DSP: variants seen among roughly 807,000 people sequenced by gnomAD.
The protein encoded by DSP is 250/210 kDa paraneoplastic pemphigus antigen.
A neutral mutation model predicts 290.6 loss-of-function variants in DSP; 114 were observed. The ratio of observed to expected loss-of-function variants is 0.39; its 90% confidence interval spans 0.34 to 0.46. The LOEUF (loss-of-function observed/expected upper bound fraction) is 0.46, where lower values mean the gene tolerates loss of function less well. DSP is among the 20% of genes least tolerant of loss of function. The pLI is 0.99. For synonymous variants in DSP, 1,311 were observed against 1,316.4 expected (o/e 1.00, Z 0.09); for missense variants, 3,230 against 3,495.8 (o/e 0.92, Z 1.92).
intron 1 of DSP, among the ~76,000 whole-genome samples, chr6:7,553,893 T>C (rs766840524): frequency 5.3e-5 from 8 of 152,120 alleles, no homozygotes; most frequent in Non-Finnish European, 1.2e-4. Context: ...TCCTGGCTTG[T>C]TGGGGAGCCT....
At chr6:7,567,953 G>A (rs1315631503) in intron 10 of DSP, 47 bp downstream of exon 10, 2 of 1,608,146 alleles carry the variant, frequency 1.2e-6, no homozygotes, top group Non-Finnish European at 1.7e-6. Flanking sequence ...TGATCAGGGA[G>A]ATAAAACACA....
In DSP at chr6:7,574,090, T is replaced by C. The variant is rs2113682966; in HGVS notation, c.2135T>C (p.Val712Ala). 7 of 1,614,100 alleles carry C rather than the reference T, an allele frequency of 4.3e-6. No individual in the cohort carries two copies. Among genetic ancestry groups the C allele is most frequent in the East Asian group, 2.2e-5 (1 of 44,850 alleles). ...ITVKINELKSVQNDSQAIAEV... is the reference protein window; with the variant it reads ...ITVKINELKSAQNDSQAIAEV... ...GCTTTCCTTCATTTTTGACAGAGTG[T>C]GCAGAATGATTCACAAGCAATTGCT... Residue 712 changes from valine to alanine, a missense_variant, in exon 16 of 24, where the codon GTG becomes GCG. By Grantham distance (64) the Val-to-Ala change is moderately conservative. This residue lies in a region of DSP where 1,714 missense variants were observed against 1,844.5 expected (regional missense o/e 0.93). Coordinates refer to ENST00000379802, the MANE Select transcript of DSP (RefSeq NM_004415.4).
At chr6:7,551,932 C>T (rs1378134038) in intron 1 of DSP, among the ~76,000 whole-genome samples, 1 of 152,116 alleles carries the variant, frequency 6.6e-6, no homozygotes, top group Non-Finnish European at 1.5e-5. Flanking sequence ...TTCCTTTTCT[C>T]GCCTCGGTCT....
chr6:7,562,095 G>A (rs1758709584), intron 4 of DSP, among the ~76,000 whole-genome samples: 1 of 152,282 alleles, frequency 6.6e-6, no homozygotes, highest in East Asian at 1.9e-4. Flanking sequence ...CCTTTGAAGT[G>A]GCCCATAGGG....
In DSP at chr6:7,583,666, T is replaced by C. The variant is rs772857426; in HGVS notation, c.6404T>C (p.Val2135Ala). 1.9e-6 allele frequency: 3 copies of C among 1,614,164 alleles called. No homozygotes were observed. The highest frequency in any genetic ancestry group is 1.1e-5 in the South Asian group (1 of 91,088). Reference protein sequence around the residue: ...LEAQIASGGVVDPVNSVFLPK... With the variant: ...LEAQIASGGVADPVNSVFLPK... ...GCCCAGATTGCTTCAGGGGGTGTAG[T>C]AGACCCTGTGAACAGTGTCTTTTTG... is the stretch of plus-strand genomic sequence containing the variant. Residue 2135 changes from valine (V) to alanine (A), a missense_variant, in exon 24 of 24, where the codon GTA (valine) becomes GCA (alanine). Physicochemically the swap from Val to Ala is moderately conservative, Grantham distance 64. Around this residue, in one of 5 missense-constraint regions of DSP, gnomAD observed 1,714 missense variants for 1,844.5 expected, o/e 0.93. Coordinates refer to ENST00000379802, the MANE Select transcript of DSP (RefSeq NM_004415.4). This position sits in a 1 kb window ranked among gnomAD's most constrained non-coding sequence, Gnocchi z 4.0.
rs761772965 is a variant in DSP at position 7,577,906 on chromosome 6, T to C, written c.2985+20T>C. Reference sequence around the variant, plus strand: ...CAAGAGGTATATATGTCATCACATATCTCTTAAAACCTGCCCCTCCTTCTG... The same window carrying C: ...CAAGAGGTATATATGTCATCACATACCTCTTAAAACCTGCCCCTCCTTCTG... On this transcript the variant is annotated intron_variant, in intron 21 of 23. Coordinates refer to ENST00000379802, the MANE Select transcript of DSP (RefSeq NM_004415.4). 2.5e-6 allele frequency: 4 copies of C among 1,593,202 alleles called. No homozygotes were observed. In the South Asian group the frequency reaches 4.4e-5, roughly 18 times the overall value.
Position 7,576,436 on chromosome 6 carries a change from C to T in DSP, c.2773C>T (p.Arg925Trp), listed in dbSNP as rs145933612. 423 of 1,614,028 alleles carry T rather than the reference C, an allele frequency of 2.6e-4. 3 individuals carry two copies. In the African/African-American group the frequency reaches 3.9e-3, roughly 15 times the overall value. Reference sequence around the variant, plus strand: ...ATTTGGAGATTCCAACACAGTCATGCGGTTTTTGAATGAGCAGAAGGTATA... The same window carrying T: ...ATTTGGAGATTCCAACACAGTCATGTGGTTTTTGAATGAGCAGAAGGTATA... ...MKFGDSNTVM[R>W]FLNEQKNLHS... The change falls in exon 19 of 24, where the codon CGG (arginine) becomes TGG (tryptophan). Residue 925 changes from arginine (R) to tryptophan (W), a missense_variant. By Grantham distance (101) the Arg-to-Trp change is moderately radical. Transcript: ENST00000379802.
chr6:7,577,987 C>A, intron 21 of DSP, 101 bp downstream of exon 21: 1 of 950,182 alleles, frequency 1.1e-6, no homozygotes, highest in Non-Finnish European at 1.7e-6. Context: ...TCCTGCCTGT[C>A]TTCCTTACCA....
chr6:7,580,236 G>C lies in DSP; in HGVS notation c.4046G>C (p.Ser1349Thr). The stretch of plus-strand genomic sequence containing the variant: ...CGCTGGGAATATGAAAATGAACTGA[G>C]TAAGGTAAGAAACAATTATGATGAG... Reference protein sequence around the residue: ...KRRWEYENELSKVRNNYDEEI... With the variant: ...KRRWEYENELTKVRNNYDEEI... The change falls in exon 23 of 24, where the codon AGT becomes ACT. Residue 1349 changes from serine to threonine, a missense_variant. Physicochemically the swap from Ser to Thr is moderately conservative, Grantham distance 58. Around this residue, in one of 5 missense-constraint regions of DSP, gnomAD observed 1,714 missense variants for 1,844.5 expected, o/e 0.93. Coordinates refer to ENST00000379802, the MANE Select transcript of DSP (RefSeq NM_004415.4). This position sits in a 1 kb window ranked among gnomAD's most constrained non-coding sequence, Gnocchi z 4.2. 1 of 1,613,972 alleles carries C rather than the reference G, an allele frequency of 6.2e-7. No individual in the cohort carries two copies. Among genetic ancestry groups the C allele is most frequent in the Non-Finnish European group, 8.5e-7 (1 of 1,180,010 alleles).
rs2113677592 is a variant in DSP, at chr6:7,570,581, C to G, written c.1701+18C>G. 1 of 1,612,222 alleles carries G rather than the reference C, an allele frequency of 6.2e-7. No homozygotes were observed. Among genetic ancestry groups the G allele is most frequent in the Non-Finnish European group, 8.5e-7 (1 of 1,179,920 alleles). ...TCGCCAAGGTATGTCCTCAGGGCCA[C>G]TTAGGCTGCCTGGAGGGAGGGCAGC... On this transcript the variant is annotated intron_variant, in intron 13 of 23. Transcript: ENST00000379802.
rs539587517 is a variant in DSP at position 7,581,105 on chromosome 6, G to A, written c.4915G>A (p.Val1639Met). Residue 1639 changes from valine to methionine, a missense_variant, in exon 23 of 24, where the codon GTG becomes ATG. Val to Met is a conservative substitution (Grantham distance 21). Transcript: ENST00000379802. ...SEDDLRQQRD[V>M]LDGHLREKQR... ...GGATGACCTCCGGCAGCAGAGGGAC[G>A]TGCTGGATGGCCACCTGAGGGAAAA... is the stretch of plus-strand genomic sequence containing the variant. 2.5e-5 allele frequency: 41 copies of A among 1,614,086 alleles called. No homozygotes were observed. Among genetic ancestry groups the A allele is most frequent in the East Asian group, 1.1e-4 (5 of 44,884 alleles).
chr6:7,555,139 G>A (rs1758469335), intron 1 of DSP, among the ~76,000 whole-genome samples: 1 of 152,184 alleles, frequency 6.6e-6, no homozygotes, highest in Admixed American at 6.5e-5. Context: ...ATAGCTGTGT[G>A]TCATTGTCAT....
Position 7,584,767 on chromosome 6 carries a change from A to C in DSP, c.7505A>C (p.Glu2502Ala). The C allele has an allele frequency of 6.2e-7, 1 of 1,614,244 alleles. No individual in the cohort carries two copies. The highest frequency in any genetic ancestry group is 8.5e-7 in the Non-Finnish European group (1 of 1,180,048). ...TFKELCEQEC[E>A]WEEITITGSD... ...AAAGAACTGTGTGAGCAGGAATGTGAATGGGAAGAAATAACCATCACGGGA... is the reference window on the plus strand; with the variant it reads ...AAAGAACTGTGTGAGCAGGAATGTGCATGGGAAGAAATAACCATCACGGGA... Residue 2502 changes from glutamate to alanine, a missense_variant, in exon 24 of 24, where the codon GAA becomes GCA. This residue lies in a region of DSP where 582 missense variants were observed against 555.4 expected (regional missense o/e 1.05). Transcript: ENST00000379802. The surrounding 1 kb of genome is among the most constrained non-coding windows in gnomAD (Gnocchi z 6.4).
chr6:7,572,501 C>G (rs571194275), intron 15 of DSP, among the ~76,000 whole-genome samples: 8 of 152,318 alleles, frequency 5.3e-5, no homozygotes, highest in African/African-American at 1.7e-4. Context: ...TCTGCTCAAC[C>G]AAGCCTGGGC....
chr6:7,562,860 T>G (rs1292537180), intron 5 of DSP, 80 bp downstream of exon 5: 2 of 1,586,284 alleles, frequency 1.3e-6, no homozygotes, highest in Non-Finnish European at 1.7e-6. Context: ...AGGGAGTTTC[T>G]TCTGAAACAT....
rs1310191402 is a variant in DSP, at chr6:7,579,246, T to G, written c.3085-29T>G. The G allele has an allele frequency of 6.2e-7, 1 of 1,613,120 alleles. No individual in the cohort carries two copies. Among genetic ancestry groups the G allele is most frequent in the South Asian group, 1.1e-5 (1 of 90,904 alleles). The stretch of plus-strand genomic sequence containing the variant: ...TCTTGGAATGTGAGGTGTTTTTCTT[T>G]TGACATAATCTCTGATTTCATTCCA... On this transcript the variant is annotated intron_variant, in intron 22 of 23. Coordinates refer to ENST00000379802, the MANE Select transcript of DSP (RefSeq NM_004415.4). This position sits in a 1 kb window ranked among gnomAD's most constrained non-coding sequence, Gnocchi z 4.1.
intron 11 of DSP, 129 bp downstream of exon 11, chr6:7,568,718 C>T (rs1446805677): frequency 2.0e-5 from 21 of 1,038,350 alleles, no homozygotes; most frequent in Admixed American, 3.7e-5. Context: ...TCTATGAAAT[C>T]AGCAGCTATG....
chr6:7,559,453 G>T (rs1329539764), intron 4 of DSP, 53 bp downstream of exon 4: 31 of 1,606,196 alleles, frequency 1.9e-5, no homozygotes, highest in Non-Finnish European at 2.5e-5. Flanking sequence ...GTTCCAGCAC[G>T]ATGGGGTCAG....
In DSP at chr6:7,581,285, A is replaced by C. The variant is rs1759431627; in HGVS notation, c.5095A>C (p.Ser1699Arg). The C allele has an allele frequency of 1.9e-6, 3 of 1,614,032 alleles. No individual in the cohort carries two copies. Among genetic ancestry groups the C allele is most frequent in the Non-Finnish European group, 2.5e-6 (3 of 1,180,052 alleles). The change falls in exon 23 of 24, where the codon AGC (serine) becomes CGC (arginine). Residue 1699 changes from serine (S) to arginine (R), a missense_variant. This residue lies in a region of DSP where 1,714 missense variants were observed against 1,844.5 expected (regional missense o/e 0.93). Transcript: ENST00000379802. ...IEDKSRSLNE[S>R]KIEIERLQSL... ...AGATAAAAGCAGAAGCTTAAATGAAAGCAAAATAGAAATTGAGAGGCTGCA... is the reference window on the plus strand; with the variant it reads ...AGATAAAAGCAGAAGCTTAAATGAACGCAAAATAGAAATTGAGAGGCTGCA...
Sources: allele counts gnomAD v4.1 joint callset (sites outside exome capture counted in the v4.1 genomes callset), GRCh38; gene constraint gnomAD v4.1.1; regional missense constraint gnomAD v4.1.1; non-coding constraint Gnocchi (gnomAD v3.1); transcripts MANE v1.5; gene names NCBI Gene and HGNC (gene_info 2026-07-23, HGNC 2026-07-21).